The following ADARB2 variants were observed in gnomAD, a reference collection of about 807,000 sequenced individuals.
The protein encoded by ADARB2 is inactive double-stranded RNA-specific editase B2.
In ADARB2, 25 loss-of-function variants were observed where a neutral mutation model predicts 62.2. The observed-to-expected ratio is 0.40, with a 90% CI of 0.29 to 0.56. The LOEUF is 0.56. Ranked by LOEUF, ADARB2 falls within the 20% of genes least tolerant of loss-of-function variation. ADARB2 has a pLI of 0.43. For synonymous variants in ADARB2, 572 were observed against 500.8 expected (o/e 1.14, Z -1.90); for missense variants, 1,071 against 1,077.4 (o/e 0.99, Z 0.08).
intron 7 of ADARB2, among the ~76,000 whole-genome samples, chr10:1,205,054 C>T (rs1056715027): frequency 6.6e-6 from 1 of 152,164 alleles, no homozygotes; most frequent in Non-Finnish European, 1.5e-5. Context: ...GGTCCCCTGA[C>T]CTCCTGGGTT....
At chr10:1,592,321 C>CT (rs1245414905) in intron 1 of ADARB2, among the ~76,000 whole-genome samples, 2 of 142,488 alleles carry the variant, frequency 1.4e-5, no homozygotes, top group African/African-American at 5.2e-5. Context: ...CCCAGCTTCC[C>CT]TCGCCCAAGC....
intron 7 of ADARB2, among the ~76,000 whole-genome samples, chr10:1,202,930 CTT>C (rs1347649851): frequency 6.6e-6 from 1 of 152,224 alleles, no homozygotes; most frequent in Non-Finnish European, 1.5e-5. Context: ...AGACAAATAA[CTT>C]CTCTATCTGG....
intron 1 of ADARB2, among the ~76,000 whole-genome samples, chr10:1,659,605 C>G (rs1000819776): frequency 6.6e-6 from 1 of 152,260 alleles, no homozygotes; most frequent in Non-Finnish European, 1.5e-5. Context: ...GCCTTTGTCT[C>G]TAAGATCCGG....
At chr10:1,253,369 G>C (rs1359095192) in intron 4 of ADARB2, among the ~76,000 whole-genome samples, 1 of 152,218 alleles carries the variant, frequency 6.6e-6, no homozygotes, top group Non-Finnish European at 1.5e-5. Context: ...AAGAGGGCTG[G>C]TGTGGGAAAG....
At chr10:1,719,145 G>A (rs1321844032) in intron 1 of ADARB2, among the ~76,000 whole-genome samples, 2 of 151,980 alleles carry the variant, frequency 1.3e-5, no homozygotes, top group Non-Finnish European at 2.9e-5. Flanking sequence ...TGTATTTTCA[G>A]TAGAAACAGG....
intron 1 of ADARB2, among the ~76,000 whole-genome samples, chr10:1,463,855 A>AG (rs1348138925): frequency 8.0e-6 from 1 of 124,492 alleles, no homozygotes; most frequent in African/African-American, 2.8e-5. Flanking sequence ...AAATAACCCA[A>AG]CAAAAAATGG....
At chr10:1,446,708 A>T (rs1488870766) in intron 1 of ADARB2, among the ~76,000 whole-genome samples, 2 of 152,218 alleles carry the variant, frequency 1.3e-5, no homozygotes, top group East Asian at 3.8e-4. Context: ...ATAATTTTTC[A>T]TCTCTCTTAC....
chr10:1,496,595 C>G (rs73582349), intron 1 of ADARB2, among the ~76,000 whole-genome samples: 5,101 of 152,010 alleles, frequency 0.034, 272 homozygotes, highest in African/African-American at 0.11. Flanking sequence ...ATTGATGATA[C>G]TAATCAATCT....
chr10:1,388,932 G>A (rs1424719686), intron 1 of ADARB2, among the ~76,000 whole-genome samples: 2 of 152,198 alleles, frequency 1.3e-5, no homozygotes, highest in African/African-American at 4.8e-5. Flanking sequence ...ATACAATGTA[G>A]TAATGGCGTA....
chr10:1,460,005 CCTGCGTAACAAACCTGCCTGTGACCTG>C (rs1831149713), intron 1 of ADARB2, among the ~76,000 whole-genome samples: 1 of 94,884 alleles, frequency 1.1e-5, no homozygotes, highest in African/African-American at 3.6e-5. Context: ...CCTGAGTTTA[CCTGCGTAACAAACCTGCCTGTGACCTG>C]AGTTTACCTG....
intron 3 of ADARB2, among the ~76,000 whole-genome samples, chr10:1,310,258 GCAC>G (rs1394385539): frequency 1.3e-5 from 2 of 152,262 alleles, no homozygotes; most frequent in Admixed American, 6.5e-5. Flanking sequence ...ACCATGCCTG[GCAC>G]TGAGAGACAC....
At chr10:1,270,653 C>G (rs2804105) in intron 4 of ADARB2, among the ~76,000 whole-genome samples, 86,399 of 151,890 alleles carry the variant, frequency 0.57, 24,913 homozygotes, top group South Asian at 0.76. Flanking sequence ...ACACCCCAAC[C>G]AGAGGAACTT....
chr10:1,403,062 T>C (rs2131873335), intron 1 of ADARB2, among the ~76,000 whole-genome samples: 1 of 152,260 alleles, frequency 6.6e-6, no homozygotes. Context: ...CTCTGCTGGG[T>C]CCTGCAGGCA....
At chr10:1,639,969 G>T (rs1252709971) in intron 1 of ADARB2, among the ~76,000 whole-genome samples, 14 of 152,158 alleles carry the variant, frequency 9.2e-5, no homozygotes, top group Admixed American at 8.5e-4. Context: ...GTTCTTTGTG[G>T]AACCACTCAG....
Position 1,471,394 on chromosome 10 carries a change from A to AT in ADARB2, c.101-92235dup, listed in dbSNP as rs757824417. Among the ~76,000 whole-genome samples, 810 of 145,716 alleles carry AT rather than the reference A, an allele frequency of 5.6e-3. 4 individuals are homozygous for AT. The highest frequency in any genetic ancestry group is 0.012 in the South Asian group (54 of 4,558). On this transcript the variant is annotated intron_variant, in intron 1 of 9. Transcript: ENST00000381312. ...AAAACTAAGAGCAGACCTTTGTACA[A>AT]TTTTTTTTTTTTTGAGATGGAGTTT...
chr10:1,354,476 C>G (rs982711299), intron 3 of ADARB2, among the ~76,000 whole-genome samples: 19 of 151,932 alleles, frequency 1.3e-4, no homozygotes, highest in African/African-American at 4.6e-4. Flanking sequence ...CGCTGATTCT[C>G]TTTTTGGACT....
At chr10:1,299,167 G>C (rs1419758414) in intron 3 of ADARB2, among the ~76,000 whole-genome samples, 1 of 152,032 alleles carries the variant, frequency 6.6e-6, no homozygotes, top group Non-Finnish European at 1.5e-5. Context: ...GTGACTAGGA[G>C]ACCAGATCAC....
intron 2 of ADARB2, among the ~76,000 whole-genome samples, chr10:1,372,240 T>C (rs1832378891): frequency 6.6e-6 from 1 of 152,186 alleles, no homozygotes; most frequent in Non-Finnish European, 1.5e-5. Context: ...TGTTCTCACT[T>C]ATGAGTGGGG....
intron 3 of ADARB2, among the ~76,000 whole-genome samples, chr10:1,317,296 C>G (rs761285772): frequency 6.6e-6 from 1 of 152,160 alleles, no homozygotes; most frequent in Non-Finnish European, 1.5e-5. Context: ...AGATAATGTT[C>G]CCTGAGACTT....
Sources: gnomAD v4.1 joint callset for allele counts (sites outside exome capture counted in the v4.1 genomes callset) on GRCh38, gnomAD v4.1.1 for gene constraint, MANE v1.5 for transcripts, NCBI Gene and HGNC (gene_info 2026-07-23, HGNC 2026-07-21) for gene names.